The following GLB1 variants were observed in gnomAD, a reference collection of about 807,000 sequenced individuals.
The protein encoded by GLB1 is galactosidase beta 1, also known as beta-galactosidase.
Under a neutral mutation model 74.0 loss-of-function variants are expected in GLB1, and 56 were observed. The observed-to-expected ratio is 0.76, with a 90% confidence interval of 0.61 to 0.94. The LOEUF (loss-of-function observed/expected upper bound fraction) is 0.94, where lower values mean the gene tolerates loss of function less well. Among genes scored for constraint, GLB1 ranks in the 40% least tolerant of loss-of-function variants. The pLI is 0.00. For synonymous variants in GLB1, 323 were observed against 323.6 expected (o/e 1.00, Z 0.02); for missense variants, 787 against 845.5 (o/e 0.93, Z 0.86).
chr3:33,065,646 C>T, intron 4 of GLB1, 89 bp from the exon 5 acceptor site: 2 of 1,446,104 alleles, frequency 1.4e-6, no homozygotes, highest in African/African-American at 2.8e-5. Flanking sequence ...TGTGGCCCAA[C>T]ACAAATTCGT....
chr3:33,074,373 GAAGGAAGGAAGGAAGGAAGAAAGA>G (rs1700017738), intron 1 of GLB1, among the ~76,000 whole-genome samples: 1 of 6,604 alleles, frequency 1.5e-4, no homozygotes. Flanking sequence ...AGGAAGGAAG[GAAGGAAGGAAGGAAGGAAGAAAGA>G]AAGAAAGAAA....
At chr3:33,031,531 C>T (rs1698008467) in intron 10 of GLB1, among the ~76,000 whole-genome samples, 1 of 142,848 alleles carries the variant, frequency 7.0e-6, no homozygotes, top group Middle Eastern at 3.9e-3. Flanking sequence ...GTAATCCCAG[C>T]TACTCGGGAG....
chr3:33,003,714 T>C (rs962606881), intron 15 of GLB1, among the ~76,000 whole-genome samples: 2 of 152,290 alleles, frequency 1.3e-5, no homozygotes, highest in Middle Eastern at 3.4e-3. Flanking sequence ...TGGCCCCAAT[T>C]ATTAGTGGGT....
At position 33,034,450 on chromosome 3, in the gene GLB1, G is replaced by T. The variant is rs1309596825; in HGVS notation, c.1069-10125C>A. The T allele has an allele frequency of 6.8e-6, 5 of 732,146 alleles. No individual in the cohort carries two copies. The Admixed American group carries it at 7.4e-5, about 11-fold the overall frequency. 45.4% of individuals were successfully genotyped at this position (732,146 alleles called of 1,614,324 possible). On this transcript the variant is annotated intron_variant, in intron 10 of 15. Coordinates refer to ENST00000307363, the MANE Select transcript of GLB1 (RefSeq NM_000404.4). ...ACAACCTCTTCAAGGATGGCCAGTG[G>T]AAGGAGAGCAGAAGCTGGAAGCACA...
intron 10 of GLB1, 75 bp from the exon 11 acceptor site, chr3:33,024,400 T>C: frequency 1.3e-6 from 2 of 1,488,140 alleles, no homozygotes; most frequent in Non-Finnish European, 1.8e-6. Flanking sequence ...ATAAAATTTA[T>C]TATTTGAAAG....
At chr3:33,044,337 A>T (rs1234541609) in intron 10 of GLB1, among the ~76,000 whole-genome samples, 1 of 152,206 alleles carries the variant, frequency 6.6e-6, no homozygotes, top group Admixed American at 6.5e-5. Context: ...ATCAAAATAG[A>T]TATGTTTAGA....
At chr3:33,027,963 C>T (rs1002553529) in intron 10 of GLB1, among the ~76,000 whole-genome samples, 12 of 152,106 alleles carry the variant, frequency 7.9e-5, no homozygotes, top group Non-Finnish European at 1.6e-4. Context: ...TACAGTGGCA[C>T]AATCACGGCT....
chr3:33,092,733 T>G, intron 1 of GLB1: 1 of 1,498,888 alleles, frequency 6.7e-7, no homozygotes, highest in Non-Finnish European at 8.9e-7. Context: ...TAGGCAAGGA[T>G]GAGTGGGCAA....
chr3:33,051,351 T>C (rs113494296), intron 9 of GLB1, among the ~76,000 whole-genome samples: 12,211 of 151,258 alleles, frequency 0.081, 1,142 homozygotes, highest in East Asian at 0.48. Context: ...AATCCTAGCA[T>C]TTTGGGAGGC....
intron 10 of GLB1, chr3:33,045,768 A>C: frequency 1.7e-6 from 2 of 1,170,608 alleles, no homozygotes; most frequent in Non-Finnish European, 2.1e-6. Flanking sequence ...TCTCACCTGA[A>C]CTTTTGGAAA....
the GLB1 span, among the ~76,000 whole-genome samples, chr3:32,967,802 A>G: frequency 3.3e-5 from 5 of 152,066 alleles, no homozygotes; most frequent in Non-Finnish European, 7.4e-5. Context: ...GGGGAGTTTC[A>G]CCTGGATGGA....
At chr3:33,039,052 G>A (rs1698398693) in intron 10 of GLB1, among the ~76,000 whole-genome samples, 2 of 152,102 alleles carry the variant, frequency 1.3e-5, no homozygotes, top group Non-Finnish European at 2.9e-5. Flanking sequence ...AGCACTTTGG[G>A]AGGCCGAAGT....
the GLB1 span, among the ~76,000 whole-genome samples, chr3:32,985,036 T>C: frequency 8.7e-5 from 13 of 149,502 alleles, no homozygotes; most frequent in South Asian, 2.1e-4. Flanking sequence ...GCCCAGGAGG[T>C]TGAGGCTGCA....
At chr3:32,979,026 G>C in the GLB1 span, among the ~76,000 whole-genome samples, 1 of 150,384 alleles carries the variant, frequency 6.6e-6, no homozygotes, top group Non-Finnish European at 1.5e-5. Context: ...GCCCAGGCTG[G>C]AGGGCAATGG....
chr3:33,076,275 C>T (rs540394001), intron 1 of GLB1, among the ~76,000 whole-genome samples: 5 of 152,220 alleles, frequency 3.3e-5, no homozygotes, highest in South Asian at 2.1e-4. Context: ...GGAGGGAGGG[C>T]AGGACTACAG....
intron 5 of GLB1, among the ~76,000 whole-genome samples, chr3:33,059,972 G>C (rs1291858253): frequency 1.3e-5 from 2 of 152,124 alleles, no homozygotes; most frequent in Non-Finnish European, 2.9e-5. Flanking sequence ...AAGGTTCCTT[G>C]GAGGGACAGC....
intron 1 of GLB1, chr3:33,092,388 G>A: frequency 1.0e-6 from 1 of 989,854 alleles, no homozygotes; most frequent in Non-Finnish European, 1.2e-6. Context: ...TCCCCAGAAA[G>A]GCTCTGGATC....
intron 15 of GLB1, among the ~76,000 whole-genome samples, chr3:33,011,893 A>G (rs978830130): frequency 5.9e-5 from 9 of 152,184 alleles, no homozygotes; most frequent in Non-Finnish European, 1.0e-4. Context: ...ATAGAATGCA[A>G]TCTGGCTGGG....
chr3:33,022,859 C>T (rs1304442959), intron 11 of GLB1, among the ~76,000 whole-genome samples: 11 of 152,030 alleles, frequency 7.2e-5, no homozygotes, highest in Non-Finnish European at 1.6e-4. Context: ...CATGCCCAGC[C>T]CAGTTAGGAA....
Sources: gnomAD v4.1 joint callset for allele counts (sites outside exome capture counted in the v4.1 genomes callset) on GRCh38, gnomAD v4.1.1 for gene constraint, MANE v1.5 for transcripts, NCBI Gene and HGNC (gene_info 2026-07-23, HGNC 2026-07-21) for gene names.